The following DEUP1 variants were observed in gnomAD, a reference collection of about 807,000 sequenced individuals.
DEUP1 encodes deuterosome assembly protein 1, also known as coiled-coil domain containing 67.
Under a neutral mutation model 87.4 loss-of-function variants are expected in DEUP1, and 82 were observed. The observed-to-expected ratio is 0.94, with a 90% CI of 0.78 to 1.13. The LOEUF (loss-of-function observed/expected upper bound fraction) is 1.13, where lower values mean the gene tolerates loss of function less well. DEUP1 is among the 50% of genes most tolerant of loss of function. DEUP1 has a pLI of 0.00. For synonymous variants in DEUP1, 214 were observed against 222.7 expected, an observed-to-expected ratio of 0.96 and a Z score of 0.35; for missense variants, 663 against 681.5, an observed-to-expected ratio of 0.97 and a Z score of 0.30.
chr11:93,367,884 TC>T (rs1945502652), intron 5 of DEUP1, among the ~76,000 whole-genome samples: 1 of 152,212 alleles, frequency 6.6e-6, no homozygotes, highest in Admixed American at 6.5e-5. Flanking sequence ...GTTCGTACAT[TC>T]ATGTAATATA....
intron 2 of DEUP1, among the ~76,000 whole-genome samples, chr11:93,341,632 A>C (rs1489124456): frequency 6.6e-6 from 1 of 152,162 alleles, no homozygotes; most frequent in African/African-American, 2.4e-5. Flanking sequence ...GGATTATAGC[A>C]ACTGTTAAGA....
chr11:93,393,087 C>CTAT (rs1946823121), intron 9 of DEUP1, among the ~76,000 whole-genome samples: 1 of 94,554 alleles, frequency 1.1e-5, no homozygotes, highest in Non-Finnish European at 1.9e-5. Context: ...CTTCCTCCTT[C>CTAT]TTTTTTTTTT....
chr11:93,356,774 T>A (rs894391606), intron 3 of DEUP1, among the ~76,000 whole-genome samples, 174 bp from the exon 4 acceptor site: 4 of 152,174 alleles, frequency 2.6e-5, no homozygotes, highest in Non-Finnish European at 5.9e-5. Context: ...GTGCTAGCAA[T>A]GTTTGGTTTT....
chr11:93,347,718 G>T (rs1944423369), intron 2 of DEUP1, among the ~76,000 whole-genome samples: 1 of 151,480 alleles, frequency 6.6e-6, no homozygotes, highest in African/African-American at 2.4e-5. Flanking sequence ...CAGAGATTCA[G>T]TTTTTTGGGG....
intron 13 of DEUP1, among the ~76,000 whole-genome samples, chr11:93,432,709 C>T (rs191042491): frequency 6.6e-5 from 10 of 151,698 alleles, no homozygotes; most frequent in East Asian, 1.9e-4. Context: ...ATGAGATGGA[C>T]GGGAATAAGC....
intron 7 of DEUP1, among the ~76,000 whole-genome samples, chr11:93,376,326 T>G (rs1946039774): frequency 6.6e-6 from 1 of 152,194 alleles, no homozygotes. Flanking sequence ...TAGGAGGGTT[T>G]AATCTAGGAG....
intron 5 of DEUP1, among the ~76,000 whole-genome samples, chr11:93,365,865 TA>T (rs576033272): frequency 2.2e-4 from 33 of 152,206 alleles, no homozygotes; most frequent in Non-Finnish European, 4.7e-4. Context: ...AGTCTGCAGG[TA>T]AACCTGTTTT....
At chr11:93,394,358 A>T in intron 9 of DEUP1, 101 bp from the exon 10 acceptor site, 1 of 799,232 alleles carries the variant, frequency 1.3e-6, no homozygotes, top group Non-Finnish European at 1.9e-6. Flanking sequence ...GTGGGCCCTG[A>T]CAAAGTTTCA....
intron 7 of DEUP1, among the ~76,000 whole-genome samples, chr11:93,383,087 A>G (rs1178529269): frequency 6.6e-6 from 1 of 152,238 alleles, no homozygotes; most frequent in Non-Finnish European, 1.5e-5. Flanking sequence ...CTATACAATT[A>G]TTCTTCTAGG....
In DEUP1 at chr11:93,368,614, A is replaced by T. The variant is rs143901934; in HGVS notation, c.433-1459A>T. ...GATCTCATGAGAACTCTATCAAGAG[A>T]CAGCACTAGGGAGATGGTGCTAAAC... On this transcript the variant is annotated intron_variant, in intron 5 of 13. Transcript: ENST00000298050. Among the ~76,000 whole-genome samples the T allele has an allele frequency of 3.5e-4, 54 of 152,290 alleles. No homozygotes were observed. In the East Asian group the frequency reaches 9.8e-3, roughly 28 times the overall value.
chr11:93,412,964 G>T (rs963976737), intron 12 of DEUP1, among the ~76,000 whole-genome samples: 1 of 151,970 alleles, frequency 6.6e-6, no homozygotes, highest in Non-Finnish European at 1.5e-5. Flanking sequence ...TGTTGTATTT[G>T]TTTTTGTGTA....
At chr11:93,373,396 T>A (rs952724008) in intron 7 of DEUP1, among the ~76,000 whole-genome samples, 4 of 151,968 alleles carry the variant, frequency 2.6e-5, no homozygotes, top group African/African-American at 9.7e-5. Context: ...TCTTATGCCT[T>A]TGAAGCCTAA....
chr11:93,351,942 G>A (rs1165101617), intron 2 of DEUP1, among the ~76,000 whole-genome samples: 1 of 152,114 alleles, frequency 6.6e-6, no homozygotes, highest in Non-Finnish European at 1.5e-5. Flanking sequence ...GAGCAAATTT[G>A]TACTGTATTT....
chr11:93,412,793 G>A (rs891986014), intron 12 of DEUP1, among the ~76,000 whole-genome samples: 1 of 151,972 alleles, frequency 6.6e-6, no homozygotes, highest in Admixed American at 6.6e-5. Flanking sequence ...CTATGCAAAT[G>A]TTATAATTCT....
At chr11:93,430,389 T>C (rs1042106841) in intron 13 of DEUP1, among the ~76,000 whole-genome samples, 1 of 152,172 alleles carries the variant, frequency 6.6e-6, no homozygotes, top group Non-Finnish European at 1.5e-5. Flanking sequence ...CAATGGAATA[T>C]TATTCAGCCA....
At chr11:93,363,383 G>A (rs1401042284) in intron 4 of DEUP1, among the ~76,000 whole-genome samples, 1 of 151,770 alleles carries the variant, frequency 6.6e-6, no homozygotes, top group Non-Finnish European at 1.5e-5. Flanking sequence ...AATTTCCTGG[G>A]TTTGATGTAC....
chr11:93,404,401 G>A (rs927748953), intron 11 of DEUP1, among the ~76,000 whole-genome samples: 5 of 151,958 alleles, frequency 3.3e-5, no homozygotes, highest in Non-Finnish European at 4.4e-5. Context: ...CTCAGAATCT[G>A]TGGTAATTTT....
intron 13 of DEUP1, among the ~76,000 whole-genome samples, chr11:93,437,102 T>G (rs984936306): frequency 3.9e-5 from 6 of 152,174 alleles, no homozygotes; most frequent in African/African-American, 1.4e-4. Flanking sequence ...CCTGGCTAAC[T>G]CCAAGCATTG....
chr11:93,383,237 G>C (rs1946385631), intron 7 of DEUP1, among the ~76,000 whole-genome samples: 1 of 152,134 alleles, frequency 6.6e-6, no homozygotes, highest in Non-Finnish European at 1.5e-5. Context: ...CTGATGAATA[G>C]ATAAACAAAA....
Sources: allele counts gnomAD v4.1 joint callset (sites outside exome capture counted in the v4.1 genomes callset), GRCh38; gene constraint gnomAD v4.1.1; transcripts MANE v1.5; gene names NCBI Gene and HGNC (gene_info 2026-07-23, HGNC 2026-07-21).